Variants in SEPTIN6 observed in about 807,000 individuals in gnomAD.
SEPTIN6 encodes septin-6.
Under a neutral mutation model 33.6 loss-of-function variants are expected in SEPTIN6, and 8 were observed. The ratio of observed to expected loss-of-function variants is 0.24; its 90% CI spans 0.14 to 0.43. SEPTIN6 has a LOEUF of 0.43. Ranked by LOEUF, SEPTIN6 falls within the 20% of genes least tolerant of loss-of-function variation. The pLI is 1.00. For synonymous variants in SEPTIN6, 131 were observed against 140.0 expected, an observed-to-expected ratio of 0.94 and a Z score of 0.45; for missense variants, 250 against 340.8, an observed-to-expected ratio of 0.73 and a Z score of 2.10.
At position 119,633,427 on chromosome X, in the gene SEPTIN6, T is replaced by C. The variant is rs2054002656; in HGVS notation, c.1022A>G (p.Glu341Gly). 8.3e-7 allele frequency: 1 copy of C among 1,210,660 alleles called. No individual in the cohort carries two copies. Among genetic ancestry groups the C allele is most frequent in the Admixed American group, 2.2e-5 (1 of 45,987 alleles). ...FLGELQKKEE[E>G]MRQMFVQRVK... ...TCGCTGGACGAACATCTGTCTCATC[T>C]CCTCTTCTTTTTTCTGGAGTTCCCC... Residue 341 changes from glutamate (E) to glycine (G), a missense_variant, in exon 8 of 11, where the codon GAG becomes GGG. Coordinates refer to ENST00000394610, the MANE Select transcript of SEPTIN6 (RefSeq NM_145799.4).
In SEPTIN6 at chrX:119,619,489, G is replaced by C; in HGVS notation, c.*604C>G. 1 of 815,116 alleles carries C rather than the reference G, an allele frequency of 1.2e-6. No individual in the cohort carries two copies. The highest frequency in any genetic ancestry group is 6.5e-5 in the South Asian group (1 of 15,387). 67.2% of individuals were successfully genotyped at this position (815,116 alleles called of 1,213,427 possible). A position where few individuals can be genotyped will look rare whatever the true frequency, so the allele number is the denominator to read the frequency against. On this transcript the variant is annotated 3_prime_UTR_variant, in exon 11 of 11. Transcript: ENST00000394610. Reference sequence around the variant, plus strand: ...CACAGCTTGAGTGCAGTTACTTCGAGTGAATGAAAACTGGAAAGGGCTGGA... The same window carrying C: ...CACAGCTTGAGTGCAGTTACTTCGACTGAATGAAAACTGGAAAGGGCTGGA...
In SEPTIN6 at chrX:119,618,655, G is replaced by T; in HGVS notation, c.*1438C>A. 7 of 1,171,843 alleles carry T rather than the reference G, an allele frequency of 6.0e-6. No homozygotes were observed. Among genetic ancestry groups the T allele is most frequent in the Non-Finnish European group, 6.9e-6 (6 of 875,014 alleles). On this transcript the variant is annotated 3_prime_UTR_variant, in exon 11 of 11. Transcript: ENST00000394610. ...GAGCTTGAAGTACATGGCAGGATAG[G>T]GGTGGGGGGCCTCGCTGCCTGGCAC...
intron 6 of SEPTIN6, among the ~76,000 whole-genome samples, chrX:119,637,554 C>CATCT (rs1335567912): frequency 9.4e-6 from 1 of 106,923 alleles, no homozygotes; most frequent in African/African-American, 3.6e-5. Context: ...TCCATCCATC[C>CATCT]ATCTATCCAT....
chrX:119,621,446 GGTGTGTGTGTGTGT>G lies in SEPTIN6; in HGVS notation c.*42-1409_*42-1396del, dbSNP rs34517524. Among the ~76,000 whole-genome samples the G allele has an allele frequency of 4.3e-4, 27 of 63,489 alleles. 1 individual carries two copies. The highest frequency in any genetic ancestry group is 9.7e-4 in the South Asian group (1 of 1,026). 55.1% of individuals were successfully genotyped at this position (63,489 alleles called of 115,157 possible). A position where few individuals can be genotyped will look rare whatever the true frequency, so the allele number is the denominator to read the frequency against. ...AAGAGTCACAGCTGGGCCCAGAGCT[GGTGTGTGTGTGTGT>G]GTGTGTGTGTGTGTGTGTGTGTGTG... On this transcript the variant is annotated intron_variant, in intron 10 of 10. Transcript: ENST00000394610.
chrX:119,636,603 C>A (rs1569423882), intron 7 of SEPTIN6, among the ~76,000 whole-genome samples: 1 of 111,323 alleles, frequency 9.0e-6, no homozygotes, highest in Admixed American at 9.5e-5. Context: ...AGACTAGAAA[C>A]CTGTCTGAGC....
At chrX:119,686,309 C>A (rs367961653) in intron 1 of SEPTIN6, among the ~76,000 whole-genome samples, 25 of 111,407 alleles carry the variant, frequency 2.2e-4, no homozygotes, top group African/African-American at 8.2e-4. Context: ...AAACCGAACA[C>A]GACCTCACAC....
At chrX:119,687,248 C>CTTTTTTT (rs761167270) in intron 1 of SEPTIN6, among the ~76,000 whole-genome samples, 2 of 97,609 alleles carry the variant, frequency 2.0e-5, no homozygotes, top group African/African-American at 3.9e-5. Context: ...TTTCATCTGT[C>CTTTTTTT]TTTTTTTTTT....
Position 119,637,053 on chromosome X carries a change from G to A in SEPTIN6, c.930C>T (p.Asp310=), listed in dbSNP as rs375388108. 49 of 1,209,302 alleles carry A rather than the reference G, an allele frequency of 4.1e-5. No homozygotes were observed. Among genetic ancestry groups the A allele is most frequent in the Non-Finnish European group, 5.5e-5 (49 of 895,033 alleles). The change falls in exon 7 of 11, where the codon GAC becomes GAT. Residue 310 remains aspartate (D), a synonymous_variant. Transcript: ENST00000394610. ...TGAAGGGTTTGCTGTCAGGGTCGGT[G>A]TCCTTGAAGCCCATCTCCTCCAGCT... ...RCKLEEMGFK[D]TDPDSKPFSL... is the part of the protein sequence containing the mutation.
intron 1 of SEPTIN6, among the ~76,000 whole-genome samples, chrX:119,679,189 A>G (rs7879054): frequency 0.31 from 34,142 of 110,272 alleles, 5,738 homozygotes; most frequent in African/African-American, 0.65. Flanking sequence ...TGATCCACCC[A>G]CCTTGGCCTC....
chrX:119,621,446 GGTGTGTGTGTGT>G lies in SEPTIN6; in HGVS notation c.*42-1407_*42-1396del, dbSNP rs34517524. 4.1e-3 allele frequency among the ~76,000 whole-genome samples: 258 copies of G among 63,485 alleles called. 3 individuals carry two copies. The highest frequency in any genetic ancestry group is 0.01 in the African/African-American group (171 of 16,431). 55.1% of individuals were successfully genotyped at this position (63,485 alleles called of 115,157 possible). A position where few individuals can be genotyped will look rare whatever the true frequency, so the allele number is the denominator to read the frequency against. ...AAGAGTCACAGCTGGGCCCAGAGCT[GGTGTGTGTGTGT>G]GTGTGTGTGTGTGTGTGTGTGTGTG... On this transcript the variant is annotated intron_variant, in intron 10 of 10. Transcript: ENST00000394610.
intron 2 of SEPTIN6, among the ~76,000 whole-genome samples, chrX:119,666,770 C>G (rs2054648024): frequency 9.0e-6 from 1 of 111,582 alleles, no homozygotes; most frequent in Non-Finnish European, 1.9e-5. Flanking sequence ...CCTAAAGGAA[C>G]AGGAAGTATT....
chrX:119,659,930 T>C (rs181541216), intron 3 of SEPTIN6, among the ~76,000 whole-genome samples: 77 of 112,225 alleles, frequency 6.9e-4, no homozygotes, highest in African/African-American at 1.8e-3. Flanking sequence ...TGGAGTGCCA[T>C]GGCGCGATCT....
chrX:119,630,599 A>G (rs2053940348), intron 8 of SEPTIN6, among the ~76,000 whole-genome samples: 1 of 112,380 alleles, frequency 8.9e-6, no homozygotes, highest in African/African-American at 3.2e-5. Flanking sequence ...CACGCCTGTA[A>G]TACCAGCACT....
intron 8 of SEPTIN6, among the ~76,000 whole-genome samples, chrX:119,632,930 A>G (rs899745729): frequency 8.9e-6 from 1 of 112,521 alleles, no homozygotes; most frequent in Non-Finnish European, 1.9e-5. Flanking sequence ...GTCCGGCCCA[A>G]TGTTTGGATT....
At chrX:119,647,802 C>T (rs1487638084) in intron 5 of SEPTIN6, among the ~76,000 whole-genome samples, 5 of 107,529 alleles carry the variant, frequency 4.6e-5, no homozygotes, top group Non-Finnish European at 9.6e-5. Context: ...TACAGGCATG[C>T]GCCACCATGC....
intron 5 of SEPTIN6, 48 bp from the exon 6 acceptor site, chrX:119,640,836 T>C (rs2054148962): frequency 9.2e-7 from 1 of 1,088,829 alleles, no homozygotes; most frequent in Admixed American, 2.2e-5. Context: ...AGAAAGGCAC[T>C]GAGTGTTACA....
At chrX:119,625,569 G>T (rs1190935591) in intron 9 of SEPTIN6, among the ~76,000 whole-genome samples, 190 bp from the exon 10 acceptor site, 3 of 106,386 alleles carry the variant, frequency 2.8e-5, no homozygotes, top group East Asian at 2.9e-4. Context: ...TTGAGTCAGG[G>T]TCTCTCTCTG....
At chrX:119,686,498 A>G in intron 1 of SEPTIN6, 1 of 656,994 alleles carries the variant, frequency 1.5e-6, no homozygotes, top group Non-Finnish European at 2.1e-6. Flanking sequence ...GCGCTGCATA[A>G]TTCAGCAGAT....
At chrX:119,624,030 T>C (rs770464389) in intron 10 of SEPTIN6, 3 of 338,205 alleles carry the variant, frequency 8.9e-6, no homozygotes, top group Admixed American at 8.7e-5. Flanking sequence ...CAGGAATCCT[T>C]ACCTGCTGAT....
Sources: gnomAD v4.1 joint callset for allele counts (sites outside exome capture counted in the v4.1 genomes callset) on GRCh38, gnomAD v4.1.1 for gene constraint, MANE v1.5 for transcripts, NCBI Gene and HGNC (gene_info 2026-07-23, HGNC 2026-07-21) for gene names.